PROM1: variants seen among roughly 807,000 people sequenced by gnomAD.
PROM1 encodes the protein prominin-1.
A neutral mutation model predicts 116.9 loss-of-function variants in PROM1; 105 were observed. That is an observed-to-expected ratio of 0.90 (90% confidence interval 0.77 to 1.06). The LOEUF is 1.06. Ranked by LOEUF, PROM1 falls within the 50% of genes least tolerant of loss-of-function variation. The pLI is 0.00. For synonymous variants in PROM1, 393 were observed against 387.0 expected (o/e 1.02, Z -0.18); for missense variants, 1,122 against 1,045.2 (o/e 1.07, Z -1.01).
Position 15,985,758 on chromosome 4 carries a change from A to G in PROM1, c.2280+2T>C. The G allele has an allele frequency of 3.9e-6, 6 of 1,545,658 alleles. No individual in the cohort carries two copies. The highest frequency in any genetic ancestry group is 5.3e-6 in the Non-Finnish European group (6 of 1,122,354). On this transcript the variant is annotated splice_donor_variant, in intron 22 of 27. Coordinates refer to ENST00000447510, the MANE Select transcript of PROM1 (RefSeq NM_006017.3). LOFTEE classifies it high-confidence loss of function. The stretch of plus-strand genomic sequence containing the variant: ...AACATTCATAAAAGATAAACTACTT[A>G]CAGAGAACTCGATCCACTGCAGATA...
rs189392827 is a variant in PROM1, at chr4:16,074,925, A to G, written c.220+762T>C. ...ATTGTAATCAAATCTTTGTAACTAA[A>G]AGAACAGGCTTAGGATGGACTTACT... On this transcript the variant is annotated intron_variant, in intron 2 of 27. Transcript: ENST00000447510. Among the ~76,000 whole-genome samples the G allele has an allele frequency of 1.7e-3, 264 of 152,334 alleles. 1 individual carries two copies. The highest frequency in any genetic ancestry group is 3.0e-3 in the Non-Finnish European group (201 of 68,024).
At chr4:16,035,003 G>A (rs2149389602) in intron 4 of PROM1, among the ~76,000 whole-genome samples, 1 of 152,352 alleles carries the variant, frequency 6.6e-6, no homozygotes, top group African/African-American at 2.4e-5. Context: ...CTCAAGACTA[G>A]TAAATCTGGT....
At chr4:16,044,070 G>A (rs375139020) in intron 2 of PROM1, among the ~76,000 whole-genome samples, 11 of 152,180 alleles carry the variant, frequency 7.2e-5, no homozygotes, top group Admixed American at 5.9e-4. Context: ...GGCTGCGTGC[G>A]TATGTGTGCG....
At chr4:15,975,676 T>A (rs1260482333) in intron 26 of PROM1, among the ~76,000 whole-genome samples, 1 of 152,140 alleles carries the variant, frequency 6.6e-6, no homozygotes, top group Non-Finnish European at 1.5e-5. Context: ...AAGAAAGGTG[T>A]CCCAATGTCC....
At chr4:16,024,065 A>G (rs1380858241) in intron 7 of PROM1, among the ~76,000 whole-genome samples, 7 of 152,246 alleles carry the variant, frequency 4.6e-5, no homozygotes, top group South Asian at 2.1e-4. Flanking sequence ...AAAGCTTTCC[A>G]GTAAGTGTAA....
chr4:15,977,846 C>G (rs1375321472), intron 26 of PROM1, among the ~76,000 whole-genome samples: 1 of 152,218 alleles, frequency 6.6e-6, no homozygotes, highest in African/African-American at 2.4e-5. Context: ...GATCCACCCG[C>G]CTCGGCTTCC....
chr4:15,991,100 G>T, intron 18 of PROM1, 122 bp downstream of exon 18: 1 of 729,082 alleles, frequency 1.4e-6, no homozygotes, highest in Non-Finnish European at 2.3e-6. Flanking sequence ...ACACAAGAGA[G>T]GTGTTTATGA....
chr4:16,069,128 G>C (rs1046612002), intron 2 of PROM1, among the ~76,000 whole-genome samples: 9 of 152,094 alleles, frequency 5.9e-5, no homozygotes, highest in Non-Finnish European at 1.0e-4. Context: ...CCAGCTACGC[G>C]GGAGGCTGAG....
Position 15,985,821 on chromosome 4 carries a change from T to A in PROM1, c.2219A>T (p.Lys740Met). The part of the protein sequence containing the change: ...NTSSVIIEET[K>M]KYGRTIIGYF... ...TCCTATTATTGTTCTCCCATACTTC[T>A]TAGTTTCCTGGAAAGAAACAAAAGA... Residue 740 changes from lysine (K) to methionine (M), a missense_variant, in exon 22 of 28, where the codon AAG becomes ATG. By Grantham distance (95) the Lys-to-Met change is moderately conservative. Coordinates refer to ENST00000447510, the MANE Select transcript of PROM1 (RefSeq NM_006017.3). 1 of 1,102,466 alleles carries A rather than the reference T, an allele frequency of 9.1e-7. No individual in the cohort carries two copies. 68.3% of individuals were successfully genotyped at this position (1,102,466 alleles called of 1,614,324 possible).
At position 16,035,063 on chromosome 4, in the gene PROM1, T is replaced by TA. The variant is rs969936968; in HGVS notation, c.303+671dup. 9.9e-5 allele frequency among the ~76,000 whole-genome samples: 15 copies of TA among 152,068 alleles called. No homozygotes were observed. The East Asian group carries it at 2.9e-3, about 29-fold the overall frequency. On this transcript the variant is annotated intron_variant, in intron 4 of 27. Transcript: ENST00000447510. Reference sequence around the variant, plus strand: ...ACTTCCATATTAAGATTAAATTGCTTAAAAAAAAGAGTGGCTGAATCTTGC... The same window carrying TA: ...ACTTCCATATTAAGATTAAATTGCTTAAAAAAAAAGAGTGGCTGAATCTTGC...
Position 16,075,701 on chromosome 4 carries a change from C to T in PROM1, c.206G>A (p.Arg69His), listed in dbSNP as rs370251231. ...VHIFLYVVQP[R>H]DFPEDTLRKF... Reference sequence around the variant, plus strand: ...TCAGCACTTACCTTCTGGGAAATCACGCGGCTGTACCACATAGAGAAAGAT... The same window carrying T: ...TCAGCACTTACCTTCTGGGAAATCATGCGGCTGTACCACATAGAGAAAGAT... Residue 69 changes from arginine to histidine, a missense_variant, in exon 2 of 28, where the codon CGT becomes CAT. Transcript: ENST00000447510. 6.8e-5 allele frequency: 110 copies of T among 1,612,002 alleles called. No individual in the cohort carries two copies. Among genetic ancestry groups the T allele is most frequent in the Non-Finnish European group, 8.7e-5 (103 of 1,178,948 alleles).
At chr4:15,994,194 G>A (rs1468036324) in intron 15 of PROM1, 123 bp from the exon 16 acceptor site, 7 of 1,505,282 alleles carry the variant, frequency 4.7e-6, no homozygotes, top group Non-Finnish European at 4.4e-6. Flanking sequence ...ACAGAAGTGG[G>A]GCTGCATGTC....
chr4:16,004,254 C>T (rs780904073), intron 13 of PROM1, among the ~76,000 whole-genome samples: 5 of 152,178 alleles, frequency 3.3e-5, no homozygotes, highest in Non-Finnish European at 5.9e-5. Flanking sequence ...ATGAATCAAA[C>T]AACATCTGAC....
At chr4:15,980,311 A>G in intron 24 of PROM1, 111 bp downstream of exon 24, 1 of 859,728 alleles carries the variant, frequency 1.2e-6, no homozygotes, top group Non-Finnish European at 1.8e-6. Flanking sequence ...ACTAAAAAAA[A>G]AAAAAAAAAG....
At chr4:15,974,117 T>TC (rs1715445830) in intron 26 of PROM1, among the ~76,000 whole-genome samples, 12 of 90,184 alleles carry the variant, frequency 1.3e-4, no homozygotes, top group South Asian at 5.5e-4. Context: ...ACTCTCTCTC[T>TC]TTCTCTCTCT....
intron 2 of PROM1, among the ~76,000 whole-genome samples, chr4:16,062,295 T>C (rs1413963341): frequency 1.3e-5 from 2 of 152,214 alleles, no homozygotes; most frequent in Non-Finnish European, 2.9e-5. Flanking sequence ...ACCTTGTTTC[T>C]AAATAAAGTC....
intron 22 of PROM1, 91 bp from the exon 23 acceptor site, chr4:15,984,446 C>G: frequency 1.1e-6 from 1 of 916,688 alleles, no homozygotes. Context: ...CTTGGTGTCA[C>G]AAAAAGGATC....
At chr4:16,054,504 T>G (rs914525519) in intron 2 of PROM1, among the ~76,000 whole-genome samples, 3 of 152,162 alleles carry the variant, frequency 2.0e-5, no homozygotes, top group African/African-American at 7.2e-5. Context: ...AAATATATGG[T>G]CACCATAAAT....
At position 16,050,258 on chromosome 4, in the gene PROM1, C is replaced by CAA. The variant is rs535857294; in HGVS notation, c.221-11259_221-11258dup. On this transcript the variant is annotated intron_variant, in intron 2 of 27. Coordinates refer to ENST00000447510, the MANE Select transcript of PROM1 (RefSeq NM_006017.3). The stretch of plus-strand genomic sequence containing the variant: ...CCTGGGTGACAGAGCAAGACTGTCT[C>CAA]AAAAAAAAAAAAACCACACACACAC... Among the ~76,000 whole-genome samples, 54 of 129,598 alleles carry CAA rather than the reference C, an allele frequency of 4.2e-4. No individual in the cohort carries two copies. The East Asian group carries it at 0.011, about 26-fold the overall frequency. 85.0% of individuals were successfully genotyped at this position (129,598 alleles called of 152,430 possible).
Sources: allele counts gnomAD v4.1 joint callset (sites outside exome capture counted in the v4.1 genomes callset), GRCh38; gene constraint gnomAD v4.1.1; transcripts MANE v1.5; gene names NCBI Gene and HGNC (gene_info 2026-07-23, HGNC 2026-07-21).